CELSR1: variants seen among roughly 807,000 people sequenced by gnomAD.
CELSR1 encodes cadherin EGF LAG seven-pass G-type receptor 1.
CELSR1 carries 110 observed loss-of-function variants against 249.1 expected under a neutral mutation model. The ratio of observed to expected loss-of-function variants is 0.44; its 90% confidence interval spans 0.38 to 0.52. The LOEUF is 0.52. CELSR1 is among the 20% of genes least tolerant of loss of function. The probability of loss-of-function intolerance (pLI) is 0.00; values close to 1 mark genes in which losing one functional copy is unlikely to be tolerated. For synonymous variants in CELSR1, 2,113 were observed against 1,900.0 expected, an observed-to-expected ratio of 1.11 and a Z score of -2.92; for missense variants, 4,109 against 4,296.4, an observed-to-expected ratio of 0.96 and a Z score of 1.22.
chr22:46,369,339 G>A (rs537917079), intron 26 of CELSR1, 81 bp from the exon 27 acceptor site: 89 of 1,228,484 alleles, frequency 7.2e-5, no homozygotes, highest in Admixed American at 1.6e-4. Flanking sequence ...GAGGCCCTTC[G>A]CCCTGTCAGG....
At chr22:46,496,969 A>AT (rs2080420268) in intron 1 of CELSR1, among the ~76,000 whole-genome samples, 1 of 152,220 alleles carries the variant, frequency 6.6e-6, no homozygotes, top group African/African-American at 2.4e-5. Flanking sequence ...TATAATGATC[A>AT]AGTGTTATGA....
chr22:46,480,431 T>C (rs1234319362), intron 1 of CELSR1, among the ~76,000 whole-genome samples: 1 of 152,254 alleles, frequency 6.6e-6, no homozygotes, highest in Non-Finnish European at 1.5e-5. Flanking sequence ...TTCAAAGTTC[T>C]TATCCAAATG....
At chr22:46,439,028 G>A (rs1452241431) in intron 3 of CELSR1, among the ~76,000 whole-genome samples, 161 bp downstream of exon 3, 1 of 152,192 alleles carries the variant, frequency 6.6e-6, no homozygotes, top group Non-Finnish European at 1.5e-5. Context: ...AAAGTGCTGG[G>A]ATTACAGGCG....
chr22:46,536,738 A>G lies in CELSR1; in HGVS notation c.433T>C (p.Ser145Pro), dbSNP rs1299707064. 2 of 1,177,954 alleles carry G rather than the reference A, an allele frequency of 1.7e-6. No individual in the cohort carries two copies. Among genetic ancestry groups the G allele is most frequent in the African/African-American group, 3.3e-5 (2 of 61,426 alleles). 73.0% of individuals were successfully genotyped at this position (1,177,954 alleles called of 1,614,324 possible). A position where few individuals can be genotyped will look rare whatever the true frequency, so the allele number is the denominator to read the frequency against. Residue 145 changes from serine (S) to proline (P), a missense_variant, in exon 1 of 35, where the codon TCG becomes CCG. By Grantham distance (74) the Ser-to-Pro change is moderately conservative. This residue lies in a region of CELSR1 where 673 missense variants were observed against 636.8 expected (regional missense o/e 1.06). Coordinates refer to ENST00000674500, the MANE Select transcript of CELSR1 (RefSeq NM_001378328.1). Reference sequence around the variant, plus strand: ...AAGGTGGTCGGAGCTGCGAGCGCCGAATGCTGCGCGGCCGCGCAGCCGCCG... The same window carrying G: ...AAGGTGGTCGGAGCTGCGAGCGCCGGATGCTGCGCGGCCGCGCAGCCGCCG... ...VPGGCAAAQHSALAAPTTLPA... is the reference protein window; with the variant it reads ...VPGGCAAAQHPALAAPTTLPA...
At chr22:46,513,634 C>T (rs1408083057) in intron 1 of CELSR1, among the ~76,000 whole-genome samples, 3 of 152,122 alleles carry the variant, frequency 2.0e-5, no homozygotes, top group African/African-American at 7.2e-5. Flanking sequence ...GGAGTCCCAG[C>T]CCTGCAGTGT....
rs2079583979 is a variant in CELSR1, at chr22:46,430,586, C to G, written c.4611+2807G>C. Among the ~76,000 whole-genome samples the G allele has an allele frequency of 1.3e-5, 2 of 152,284 alleles. No homozygotes were observed. The highest frequency in any genetic ancestry group is 3.9e-4 in the East Asian group (2 of 5,176). On this transcript the variant is annotated intron_variant, in intron 5 of 34. Coordinates refer to ENST00000674500, the MANE Select transcript of CELSR1 (RefSeq NM_001378328.1). The surrounding 1 kb of genome is among the most constrained non-coding windows in gnomAD (Gnocchi z 4.6). ...CCTGGGGGTCCCCTCCCACCCTGAGCCTGTCGTCTTCCCCAAAACCTTCCC... is the reference window on the plus strand; with the variant it reads ...CCTGGGGGTCCCCTCCCACCCTGAGGCTGTCGTCTTCCCCAAAACCTTCCC...
At position 46,391,826 on chromosome 22, in the gene CELSR1, C is replaced by T. The variant is rs1274294477; in HGVS notation, c.5965-10G>A. ...GCTTGTAGTAATTCTCCTGCAAAAG[C>T]CAGAGGCAGGGCCTGTGACTTCAGA... On this transcript the variant is annotated splice_polypyrimidine_tract_variant and intron_variant, in intron 14 of 34. Coordinates refer to ENST00000674500, the MANE Select transcript of CELSR1 (RefSeq NM_001378328.1). The surrounding 1 kb of genome is among the most constrained non-coding windows in gnomAD (Gnocchi z 4.3). The T allele has an allele frequency of 6.2e-7, 1 of 1,607,162 alleles. No individual in the cohort carries two copies. Among genetic ancestry groups the T allele is most frequent in the Non-Finnish European group, 8.5e-7 (1 of 1,178,212 alleles).
Position 46,363,825 on chromosome 22 carries a change from C to G in CELSR1, c.9035+171G>C, listed in dbSNP as rs143194247. On this transcript the variant is annotated intron_variant, in intron 34 of 34. Transcript: ENST00000674500. The surrounding 1 kb of genome is among the most constrained non-coding windows in gnomAD (Gnocchi z 4.3). Reference sequence around the variant, plus strand: ...GTCTGCCCATCTCCGGGGTATCCTCCTGACCTCAGCTGCAGCGCCTCCCCC... The same window carrying G: ...GTCTGCCCATCTCCGGGGTATCCTCGTGACCTCAGCTGCAGCGCCTCCCCC... 2 of 868,724 alleles carry G rather than the reference C, an allele frequency of 2.3e-6. No individual in the cohort carries two copies. The highest frequency in any genetic ancestry group is 1.7e-5 in the African/African-American group (1 of 58,446). 53.8% of individuals were successfully genotyped at this position (868,724 alleles called of 1,614,324 possible).
intron 1 of CELSR1, among the ~76,000 whole-genome samples, chr22:46,503,818 G>T (rs1221638908): frequency 1.3e-5 from 2 of 151,738 alleles, no homozygotes; most frequent in South Asian, 2.1e-4. Flanking sequence ...ACTGCTTAAG[G>T]CCAGGAGTTT....
intron 1 of CELSR1, among the ~76,000 whole-genome samples, chr22:46,483,844 A>C (rs571775836): frequency 1.3e-5 from 2 of 152,272 alleles, no homozygotes; most frequent in East Asian, 3.9e-4. Flanking sequence ...CTTTCACACC[A>C]ACACTTTCAG....
At chr22:46,387,024 C>G (rs1298978931) in intron 18 of CELSR1, among the ~76,000 whole-genome samples, 1 of 152,178 alleles carries the variant, frequency 6.6e-6, no homozygotes, top group Non-Finnish European at 1.5e-5. Context: ...TCCCAAAGTG[C>G]TGGGATTACA....
rs1346725617 is a variant in CELSR1, at chr22:46,423,297, A to G, written c.4611+10096T>C. ...CAGCCAAACCACTGCATCACCAGGA[A>G]TAATAAATATCTGATCAAGACTCCA... On this transcript the variant is annotated intron_variant, in intron 5 of 34. Coordinates refer to ENST00000674500, the MANE Select transcript of CELSR1 (RefSeq NM_001378328.1). The surrounding 1 kb of genome is among the most constrained non-coding windows in gnomAD (Gnocchi z 5.6). Among the ~76,000 whole-genome samples, 1 of 152,228 alleles carries G rather than the reference A, an allele frequency of 6.6e-6. No individual in the cohort carries two copies. The highest frequency in any genetic ancestry group is 2.4e-5 in the African/African-American group (1 of 41,458).
intron 20 of CELSR1, among the ~76,000 whole-genome samples, chr22:46,383,390 A>G (rs1034023061): frequency 1.3e-5 from 2 of 152,254 alleles, no homozygotes; most frequent in African/African-American, 4.8e-5. Flanking sequence ...AAAATTCAAA[A>G]TGTTCAAACT....
At position 46,434,613 on chromosome 22, in the gene CELSR1, C is replaced by T. The variant is rs151002311; in HGVS notation, c.4523-1132G>A. Among the ~76,000 whole-genome samples the T allele has an allele frequency of 2.5e-3, 387 of 152,316 alleles. 2 individuals are homozygous for T. The highest frequency in any genetic ancestry group is 8.4e-3 in the African/African-American group (350 of 41,566). On this transcript the variant is annotated intron_variant, in intron 4 of 34. Coordinates refer to ENST00000674500, the MANE Select transcript of CELSR1 (RefSeq NM_001378328.1). This position sits in a 1 kb window ranked among gnomAD's most constrained non-coding sequence, Gnocchi z 4.9. The stretch of plus-strand genomic sequence containing the variant: ...ACCATCACACACATGTCATTCAACA[C>T]GGGCCAGGGTTCTAGAGACGGAAGC...
At position 46,390,186 on chromosome 22, in the gene CELSR1, C is replaced by A. The variant is rs953448998; in HGVS notation, c.6345+206G>T. Among the ~76,000 whole-genome samples the A allele has an allele frequency of 6.6e-6, 1 of 152,202 alleles. No homozygotes were observed. Among genetic ancestry groups the A allele is most frequent in the African/African-American group, 2.4e-5 (1 of 41,450 alleles). ...GGGTCCTCTGGGGGAGAGAAGTCCA[C>A]GTGGGGGTGCCTGGCTCAGGTGCCA... On this transcript the variant is annotated intron_variant, in intron 17 of 34. Coordinates refer to ENST00000674500, the MANE Select transcript of CELSR1 (RefSeq NM_001378328.1). This position sits in a 1 kb window ranked among gnomAD's most constrained non-coding sequence, Gnocchi z 6.3.
At chr22:46,516,253 T>C (rs1460280243) in intron 1 of CELSR1, among the ~76,000 whole-genome samples, 2 of 152,172 alleles carry the variant, frequency 1.3e-5, no homozygotes, top group South Asian at 2.1e-4. Flanking sequence ...GTGGCACATA[T>C]ACACCATGGA....
intron 1 of CELSR1, among the ~76,000 whole-genome samples, chr22:46,503,480 G>A (rs2080485479): frequency 1.3e-5 from 2 of 152,230 alleles, no homozygotes; most frequent in African/African-American, 4.8e-5. Flanking sequence ...GACCACGGGA[G>A]GCTACTGAGA....
chr22:46,524,543 T>C (rs187947005), intron 1 of CELSR1, among the ~76,000 whole-genome samples: 100 of 56,864 alleles, frequency 1.8e-3, no homozygotes, highest in African/African-American at 6.6e-3. Flanking sequence ...GTTGTGTGCG[T>C]GTGTGTGTGT....
rs1388959585 is a variant in CELSR1 at position 46,361,239 on chromosome 22, TAATA to T, written c.*1980_*1983del. 6.6e-6 allele frequency: 1 copy of T among 152,074 alleles called. No individual in the cohort carries two copies. The highest frequency in any genetic ancestry group is 1.5e-5 in the Non-Finnish European group (1 of 68,044). The allele number at this position is 152,074 out of a possible 1,614,324, so 9.4% of individuals were successfully genotyped here. A position where few individuals can be genotyped will look rare whatever the true frequency, so the allele number is the denominator to read the frequency against. On this transcript the variant is annotated 3_prime_UTR_variant, in exon 35 of 35. Transcript: ENST00000674500. Reference sequence around the variant, plus strand: ...TTTGTAATTCCAGTGTTTTGAACATTAATAAATACACGTTCTGTTAAAAACCTCC... The same window carrying T: ...TTTGTAATTCCAGTGTTTTGAACATTAATACACGTTCTGTTAAAAACCTCC...
Sources: gnomAD v4.1 joint callset for allele counts (sites outside exome capture counted in the v4.1 genomes callset) on GRCh38, gnomAD v4.1.1 for gene constraint, gnomAD v4.1.1 regional missense constraint, Gnocchi (gnomAD v3.1) non-coding constraint, MANE v1.5 for transcripts, NCBI Gene and HGNC (gene_info 2026-07-23, HGNC 2026-07-21) for gene names.